HSPBP1: variants seen among roughly 807,000 people sequenced by gnomAD.
HSPBP1 encodes hsp70-binding protein 1.
HSPBP1 carries 31 observed loss-of-function variants against 41.7 expected under a neutral mutation model. The ratio of observed to expected loss-of-function variants is 0.74; its 90% CI spans 0.56 to 1.00. HSPBP1 has a LOEUF of 1.00. HSPBP1 is among the 50% of genes least tolerant of loss of function. The pLI, the probability that HSPBP1 is intolerant of heterozygous loss-of-function variation, is 0.00. For missense variants in HSPBP1, 439 were observed against 487.9 expected (o/e 0.90, Z 0.94); for synonymous variants, 199 against 214.4 (o/e 0.93, Z 0.63).
At chr19:55,274,347 A>ACCCCCCCCCCCCCCCCCCCCCC (rs11427517) in intron 4 of HSPBP1, 51 bp downstream of exon 4, 7 of 328,032 alleles carry the variant, frequency 2.1e-5, no homozygotes, top group Admixed American at 9.1e-5. Context: ...CCCACCCGGC[A>ACCCCCCCCCCCCCCCCCCCCCC]CCCCCCCCCA....
chr19:55,265,834 G>A, intron 6 of HSPBP1, 52 bp downstream of exon 6: 1 of 1,281,162 alleles, frequency 7.8e-7, no homozygotes, highest in Non-Finnish European at 1.1e-6. Flanking sequence ...CCCCCACCTT[G>A]AGAGGACGGG....
At position 55,267,132 on chromosome 19, in the gene HSPBP1, T is replaced by A. The variant is rs568577625; in HGVS notation, c.641-846A>T. Reference sequence around the variant, plus strand: ...GATGGAAGCATCATCTTTTTTAATTTTTTTATTTTATTTATTTACTTATTT... The same window carrying A: ...GATGGAAGCATCATCTTTTTTAATTATTTTATTTTATTTATTTACTTATTT... On this transcript the variant is annotated intron_variant, in intron 4 of 7. Coordinates refer to ENST00000433386, the MANE Select transcript of HSPBP1 (RefSeq NM_012267.5). 3.1e-3 allele frequency among the ~76,000 whole-genome samples: 478 copies of A among 152,304 alleles called. 2 individuals are homozygous for A. Among genetic ancestry groups the A allele is most frequent in the South Asian group, 6.8e-3 (33 of 4,834 alleles).
chr19:55,266,487 C>A (rs878922296), intron 4 of HSPBP1, among the ~76,000 whole-genome samples: 1 of 106,934 alleles, frequency 9.4e-6, no homozygotes, highest in East Asian at 2.6e-4. Context: ...CTCACCACCA[C>A]CACCATCACT....
chr19:55,269,633 C>A (rs2087870577), intron 4 of HSPBP1, among the ~76,000 whole-genome samples: 1 of 152,180 alleles, frequency 6.6e-6, no homozygotes, highest in East Asian at 1.9e-4. Flanking sequence ...TCGGAAAAGG[C>A]TGCAGATTGC....
At position 55,279,586 on chromosome 19, in the gene HSPBP1, C is replaced by T. The variant is rs767568054; in HGVS notation, c.23G>A (p.Gly8Glu). MSDEGSR[G>E]SRLPLALPPA... ...GGGCAGCGCCAGGGGCAGGCGGCTC[C>T]CCCTTGAGCCTTCGTCTGACATGGG... Residue 8 changes from glycine (G) to glutamate (E), a missense_variant, in exon 2 of 8, where the codon GGG (glycine) becomes GAG (glutamate). Coordinates refer to ENST00000433386, the MANE Select transcript of HSPBP1 (RefSeq NM_012267.5). The T allele has an allele frequency of 1.3e-6, 2 of 1,595,900 alleles. No individual in the cohort carries two copies. Among genetic ancestry groups the T allele is most frequent in the South Asian group, 2.2e-5 (2 of 90,090 alleles).
At chr19:55,267,500 A>G (rs1042457415) in intron 4 of HSPBP1, among the ~76,000 whole-genome samples, 1 of 148,984 alleles carries the variant, frequency 6.7e-6, no homozygotes, top group Admixed American at 6.8e-5. Context: ...TTGCTCTATC[A>G]TCCAGGCTAG....
chr19:55,277,938 C>T, intron 2 of HSPBP1, 92 bp from the exon 3 acceptor site: 1 of 1,044,250 alleles, frequency 9.6e-7, no homozygotes, highest in Non-Finnish European at 1.3e-6. Context: ...CAACTGAGGG[C>T]TGATGTTCCT....
intron 3 of HSPBP1, among the ~76,000 whole-genome samples, chr19:55,275,624 G>GT (rs1337230223): frequency 6.6e-6 from 1 of 151,608 alleles, no homozygotes; most frequent in Non-Finnish European, 1.5e-5. Flanking sequence ...GCAAAACAGG[G>GT]TTTTTGCTAT....
chr19:55,274,354 C>CCG, intron 4 of HSPBP1, 44 bp downstream of exon 4: 1 of 632,308 alleles, frequency 1.6e-6, no homozygotes. Flanking sequence ...GGCACCCCCC[C>CCG]CCACCGCCAG....
intron 2 of HSPBP1, among the ~76,000 whole-genome samples, chr19:55,278,701 G>T (rs905732464): frequency 6.6e-5 from 10 of 152,008 alleles, no homozygotes; most frequent in African/African-American, 2.2e-4. Context: ...ATCACTTGAC[G>T]CCAGGAGTTC....
intron 1 of HSPBP1, 128 bp from the exon 2 acceptor site, chr19:55,279,830 A>T: frequency 9.5e-7 from 1 of 1,051,578 alleles, no homozygotes; most frequent in Non-Finnish European, 1.4e-6. Flanking sequence ...CCCCAAAGTC[A>T]TAAGCCTCTC....
intron 4 of HSPBP1, among the ~76,000 whole-genome samples, chr19:55,267,415 T>A (rs746491901): frequency 9.9e-5 from 15 of 151,544 alleles, no homozygotes; most frequent in Non-Finnish European, 2.1e-4. Flanking sequence ...CCTCCCAAAG[T>A]GCTGGGATTA....
intron 7 of HSPBP1, 34 bp from the exon 8 acceptor site, chr19:55,262,716 G>C: frequency 1.3e-6 from 2 of 1,594,272 alleles, no homozygotes; most frequent in Non-Finnish European, 1.7e-6. Flanking sequence ...CAAGGGGCCT[G>C]AGTGCAGAGG....
intron 3 of HSPBP1, among the ~76,000 whole-genome samples, chr19:55,274,920 C>T (rs926339520): frequency 4.6e-5 from 7 of 152,158 alleles, no homozygotes; most frequent in Admixed American, 2.6e-4. Flanking sequence ...TCAGGAGAAA[C>T]CAGCCCTGCC....
At chr19:55,274,984 G>A (rs2088033206) in intron 3 of HSPBP1, among the ~76,000 whole-genome samples, 1 of 152,220 alleles carries the variant, frequency 6.6e-6, no homozygotes, top group Non-Finnish European at 1.5e-5. Flanking sequence ...ATACATTTCT[G>A]TTTTTAAAGC....
At position 55,279,559 on chromosome 19, in the gene HSPBP1, G is replaced by T; in HGVS notation, c.50C>A (p.Pro17Gln). Residue 17 changes from proline to glutamine, a missense_variant, in exon 2 of 8, where the codon CCG (proline) becomes CAG (glutamine). Coordinates refer to ENST00000433386, the MANE Select transcript of HSPBP1 (RefSeq NM_012267.5). Reference sequence around the variant, plus strand: ...CCCTGAAGAGCAACCCTGGGAGGCCGGGGGCAGCGCCAGGGGCAGGCGGCT... The same window carrying T: ...CCCTGAAGAGCAACCCTGGGAGGCCTGGGGCAGCGCCAGGGGCAGGCGGCT... ...RGSRLPLALP[P>Q]ASQGCSSGGG... is the part of the protein sequence containing the mutation. The T allele has an allele frequency of 6.2e-7, 1 of 1,604,226 alleles. No individual in the cohort carries two copies. The highest frequency in any genetic ancestry group is 1.1e-5 in the South Asian group (1 of 90,754).
chr19:55,275,722 G>T (rs148383726), intron 3 of HSPBP1, among the ~76,000 whole-genome samples: 4 of 151,914 alleles, frequency 2.6e-5, no homozygotes, highest in South Asian at 4.2e-4. Context: ...GGCCAAGGTG[G>T]GTGGATCACG....
At chr19:55,274,933 C>T (rs1333624446) in intron 3 of HSPBP1, among the ~76,000 whole-genome samples, 2 of 152,306 alleles carry the variant, frequency 1.3e-5, no homozygotes, top group East Asian at 3.9e-4. Context: ...GCCCTGCCCA[C>T]ACCCTGATCT....
chr19:55,266,355 C>T lies in HSPBP1; in HGVS notation c.641-69G>A, dbSNP rs915278503. 18 of 1,470,156 alleles carry T rather than the reference C, an allele frequency of 1.2e-5. No individual in the cohort carries two copies. In the African/African-American group the frequency reaches 2.4e-4, roughly 20 times the overall value. The allele number at this position is 1,470,156 out of a possible 1,614,324, so 91.1% of individuals were successfully genotyped here. A position where few individuals can be genotyped will look rare whatever the true frequency, so the allele number is the denominator to read the frequency against. ...ACCACTGTCATCACAAGCACCATCA[C>T]CAACATCATCACAACCACCATCACC... On this transcript the variant is annotated intron_variant, in intron 4 of 7. Coordinates refer to ENST00000433386, the MANE Select transcript of HSPBP1 (RefSeq NM_012267.5).
Sources: allele counts gnomAD v4.1 joint callset (sites outside exome capture counted in the v4.1 genomes callset), GRCh38; gene constraint gnomAD v4.1.1; transcripts MANE v1.5; gene names NCBI Gene and HGNC (gene_info 2026-07-23, HGNC 2026-07-21).